Variants in SERPINB11 observed in about 807,000 individuals in gnomAD.
SERPINB11 encodes serpin B11.
SERPINB11 carries 32 observed loss-of-function variants against 36.7 expected under a neutral mutation model. The observed-to-expected ratio is 0.87, with a 90% CI of 0.66 to 1.17. The LOEUF (loss-of-function observed/expected upper bound fraction) is 1.17. Among genes scored for constraint, SERPINB11 ranks in the 50% most tolerant of loss-of-function variants. The probability of loss-of-function intolerance (pLI) is 0.00; values close to 1 mark genes in which losing one functional copy is unlikely to be tolerated. For missense variants in SERPINB11, 528 were observed against 458.4 expected (o/e 1.15, Z -1.39); for synonymous variants, 174 against 168.1 (o/e 1.04, Z -0.27).
At chr18:63,716,179 A>G (rs369777306) in intron 5 of SERPINB11, 27 bp downstream of exon 5, 15 of 1,439,362 alleles carry the variant, frequency 1.0e-5, no homozygotes, top group Non-Finnish European at 1.4e-5. Context: ...ATGTGTCTCT[A>G]AACTCTGTGT....
chr18:63,713,303 T>G (rs1506425), intron 4 of SERPINB11, among the ~76,000 whole-genome samples: 151,452 of 152,280 alleles, frequency 0.99, 75,319 homozygotes, highest in East Asian at 1. Context: ...GCTAAGATAT[T>G]GGTATAAAAT....
At chr18:63,721,888 G>T (rs765276421) in intron 7 of SERPINB11, among the ~76,000 whole-genome samples, 3 of 152,208 alleles carry the variant, frequency 2.0e-5, no homozygotes, top group Non-Finnish European at 4.4e-5. Context: ...AGGGAATCAG[G>T]TCCCTAAGGG....
intron 1 of SERPINB11, among the ~76,000 whole-genome samples, chr18:63,709,616 TAAATAAAATA>T (rs10629688): frequency 0.011 from 1,609 of 143,532 alleles, 21 homozygotes; most frequent in African/African-American, 0.028. Context: ...GTCTCAAAAA[TAAATAAAATA>T]AAATAAAATA....
intron 3 of SERPINB11, among the ~76,000 whole-genome samples, 186 bp downstream of exon 3, chr18:63,711,580 A>G (rs1914528180): frequency 6.6e-6 from 1 of 152,154 alleles, no homozygotes; most frequent in African/African-American, 2.4e-5. Flanking sequence ...AATAATAACA[A>G]TAGTAAAGTT....
intron 1 of SERPINB11, among the ~76,000 whole-genome samples, chr18:63,703,924 G>A (rs1012598903): frequency 1.9e-4 from 29 of 151,568 alleles, no homozygotes; most frequent in African/African-American, 4.1e-4. Flanking sequence ...TCTTTTCTTC[G>A]TTTCTGTCAT....
At chr18:63,718,288 A>T (rs568004644) in intron 5 of SERPINB11, among the ~76,000 whole-genome samples, 1 of 152,044 alleles carries the variant, frequency 6.6e-6, no homozygotes, top group East Asian at 1.9e-4. Context: ...TTGTATTTCC[A>T]TATACGTTTT....
At chr18:63,710,908 C>T (rs1914506058) in intron 2 of SERPINB11, among the ~76,000 whole-genome samples, 1 of 152,172 alleles carries the variant, frequency 6.6e-6, no homozygotes, top group Admixed American at 6.5e-5. Flanking sequence ...AAGAATATCA[C>T]TTAACAACTC....
intron 5 of SERPINB11, among the ~76,000 whole-genome samples, chr18:63,717,524 C>T (rs1308316364): frequency 2.6e-5 from 4 of 152,026 alleles, no homozygotes; most frequent in Non-Finnish European, 4.4e-5. Flanking sequence ...CTCCTCCTTG[C>T]CAACACTTGG....
Position 63,720,962 on chromosome 18 carries a change from A to G in SERPINB11, c.750A>G (p.Pro250=), listed in dbSNP as rs778745119. 3.7e-6 allele frequency: 6 copies of G among 1,609,666 alleles called. No individual in the cohort carries two copies. In the Admixed American group the frequency reaches 5.0e-5, roughly 13 times the overall value. ...NNKLSMIILL[P]VGIANLKQIE... ...AATTAAGCATGATTATTCTGCTTCC[A>G]GTAGGCATAGCTAATCTGAAACAGG... Residue 250 remains proline, a synonymous_variant, in exon 7 of 8, where the codon CCA becomes CCG. Coordinates refer to ENST00000544088, the MANE Select transcript of SERPINB11 (RefSeq NM_001370475.1).
At chr18:63,720,391 C>G (rs566741081) in intron 6 of SERPINB11, 2 of 494,362 alleles carry the variant, frequency 4.0e-6, no homozygotes, top group Admixed American at 3.8e-5. Context: ...GGAGAAAACC[C>G]ATTCTTTTCT....
At chr18:63,708,651 T>G (rs1446758102) in intron 1 of SERPINB11, among the ~76,000 whole-genome samples, 2 of 152,124 alleles carry the variant, frequency 1.3e-5, no homozygotes, top group African/African-American at 2.4e-5. Flanking sequence ...TTGGACATGT[T>G]AAGTTTGAGA....
At chr18:63,710,545 C>T (rs1914496040) in intron 2 of SERPINB11, among the ~76,000 whole-genome samples, 184 bp downstream of exon 2, 1 of 152,170 alleles carries the variant, frequency 6.6e-6, no homozygotes, top group African/African-American at 2.4e-5. Context: ...TGCTGTAATG[C>T]AAACAATGTA....
intron 2 of SERPINB11, among the ~76,000 whole-genome samples, chr18:63,710,838 T>C (rs549425739): frequency 4.6e-5 from 7 of 152,370 alleles, no homozygotes; most frequent in African/African-American, 9.6e-5. Context: ...TTTCAGGTTA[T>C]ATAGGCTAAC....
At chr18:63,713,460 G>A (rs1914582244) in intron 4 of SERPINB11, among the ~76,000 whole-genome samples, 1 of 152,138 alleles carries the variant, frequency 6.6e-6, no homozygotes, top group Admixed American at 6.5e-5. Context: ...TGTGATTGAG[G>A]TGAAATGCAA....
intron 3 of SERPINB11, 119 bp downstream of exon 3, chr18:63,711,513 C>A: frequency 4.3e-6 from 3 of 693,252 alleles, no homozygotes; most frequent in Non-Finnish European, 7.6e-6. Flanking sequence ...AGCTATGTGT[C>A]CCCCTTTAAC....
intron 7 of SERPINB11, 42 bp downstream of exon 7, chr18:63,721,028 G>A (rs1320613719): frequency 1.3e-6 from 2 of 1,510,250 alleles, no homozygotes; most frequent in Non-Finnish European, 1.8e-6. Flanking sequence ...AAGCATGTGT[G>A]CATGTTAACA....
intron 7 of SERPINB11, 65 bp from the exon 8 acceptor site, chr18:63,722,928 CAT>C (rs1914851151): frequency 2.8e-6 from 4 of 1,415,734 alleles, no homozygotes; most frequent in Non-Finnish European, 3.8e-6. Flanking sequence ...ATTATAAAAA[CAT>C]ATGATATTTA....
rs190870742 is a variant in SERPINB11, at chr18:63,713,500, C to T, written c.357+807C>T. Among the ~76,000 whole-genome samples, 3 of 152,326 alleles carry T rather than the reference C, an allele frequency of 2.0e-5. No homozygotes were observed. In the East Asian group the frequency reaches 5.8e-4, roughly 29 times the overall value. On this transcript the variant is annotated intron_variant, in intron 4 of 7. Transcript: ENST00000544088. ...TTGTTTGACCAGGGTTATTTAAATG[C>T]TATCTGGGTGAAGCTGGATGAAAAC...
intron 5 of SERPINB11, among the ~76,000 whole-genome samples, chr18:63,717,051 A>G (rs558574280): frequency 2.4e-4 from 37 of 152,206 alleles, no homozygotes; most frequent in African/African-American, 8.2e-4. Flanking sequence ...TCTGGAAATA[A>G]GCCCCTTTTT....
Sources: gnomAD v4.1 joint callset for allele counts (sites outside exome capture counted in the v4.1 genomes callset) on GRCh38, gnomAD v4.1.1 for gene constraint, MANE v1.5 for transcripts, NCBI Gene and HGNC (gene_info 2026-07-23, HGNC 2026-07-21) for gene names.